The following RASAL2 variants were observed in gnomAD, a reference collection of about 807,000 sequenced individuals.
The protein encoded by RASAL2 is ras GTPase-activating protein nGAP.
A neutral mutation model predicts 128.9 loss-of-function variants in RASAL2; 58 were observed. The ratio of observed to expected loss-of-function variants is 0.45; its 90% CI spans 0.36 to 0.56. The LOEUF is 0.56. Ranked by LOEUF, RASAL2 falls within the 20% of genes least tolerant of loss-of-function variation. RASAL2 has a pLI of 0.00. For missense variants in RASAL2, 1,360 were observed against 1,601.6 expected (o/e 0.85, Z 2.57); for synonymous variants, 561 against 580.8 (o/e 0.97, Z 0.49).
At chr1:178,351,190 G>A (rs781226291) in intron 3 of RASAL2, among the ~76,000 whole-genome samples, 15 of 152,220 alleles carry the variant, frequency 9.9e-5, no homozygotes, top group East Asian at 1.9e-4. Flanking sequence ...TCCATTTCCC[G>A]CATTAGGGAT....
At chr1:178,361,416 CTTTT>C (rs1250778941) in intron 3 of RASAL2, among the ~76,000 whole-genome samples, 1 of 151,676 alleles carries the variant, frequency 6.6e-6, no homozygotes. Flanking sequence ...AAACCCTTGA[CTTTT>C]TTTTGAGTTG....
intron 1 of RASAL2, among the ~76,000 whole-genome samples, chr1:178,275,834 T>C (rs376746305): frequency 4.6e-5 from 7 of 152,230 alleles, no homozygotes; most frequent in South Asian, 2.1e-4. Context: ...ATAATGAGCA[T>C]AGTGGATTTA....
intron 3 of RASAL2, among the ~76,000 whole-genome samples, chr1:178,322,247 T>C (rs763323883): frequency 3.3e-5 from 5 of 152,164 alleles, no homozygotes; most frequent in African/African-American, 4.8e-5. Context: ...CCTCTATTGC[T>C]TATGTCCTGC....
At chr1:178,190,177 G>A (rs1279461589) in intron 1 of RASAL2, among the ~76,000 whole-genome samples, 2 of 152,188 alleles carry the variant, frequency 1.3e-5, no homozygotes, top group Admixed American at 6.5e-5. Context: ...TTTCCTTGAA[G>A]GAGGGATCGC....
chr1:178,461,965 T>C lies in RASAL2; in HGVS notation c.3253-2313T>C, dbSNP rs921032033. On this transcript the variant is annotated intron_variant, in intron 14 of 17. Transcript: ENST00000367649. ...ATCAGGCTCTTTTGCCCTAAAGCGTTACTGTTTTTCCAGGGAAACCCTATA... is the reference window on the plus strand; with the variant it reads ...ATCAGGCTCTTTTGCCCTAAAGCGTCACTGTTTTTCCAGGGAAACCCTATA... Among the ~76,000 whole-genome samples the C allele has an allele frequency of 5.3e-5, 8 of 152,240 alleles. No individual in the cohort carries two copies. The East Asian group carries it at 1.5e-3, about 29-fold the overall frequency.
At chr1:178,365,349 CTTCT>C (rs1470787575) in intron 3 of RASAL2, among the ~76,000 whole-genome samples, 1 of 152,008 alleles carries the variant, frequency 6.6e-6, no homozygotes, top group African/African-American at 2.4e-5. Context: ...TTACTTTAAG[CTTCT>C]TTGAGGAAAA....
intron 3 of RASAL2, among the ~76,000 whole-genome samples, chr1:178,318,693 A>C (rs1668606965): frequency 6.6e-6 from 1 of 151,918 alleles, no homozygotes; most frequent in African/African-American, 2.4e-5. Flanking sequence ...GTGTCTCTGC[A>C]CGTGAGATGG....
At chr1:178,420,811 A>G (rs1251895203) in intron 5 of RASAL2, among the ~76,000 whole-genome samples, 191 bp downstream of exon 5, 1 of 152,218 alleles carries the variant, frequency 6.6e-6, no homozygotes, top group Non-Finnish European at 1.5e-5. Flanking sequence ...TAAGAATGTT[A>G]TAATATTGGA....
chr1:178,449,225 C>G (rs1005703655), intron 9 of RASAL2, among the ~76,000 whole-genome samples: 3 of 152,154 alleles, frequency 2.0e-5, no homozygotes, highest in Non-Finnish European at 2.9e-5. Context: ...TCTGCACAGA[C>G]TCTGCATTGT....
rs573817207 is a variant in RASAL2, at chr1:178,411,604, A to G, written c.565-8907A>G. The G allele has an allele frequency of 1.3e-4, 95 of 740,432 alleles. No individual in the cohort carries two copies. In the African/African-American group the frequency reaches 1.5e-3, roughly 11 times the overall value. The allele number at this position is 740,432 out of a possible 1,614,324, so 45.9% of individuals were successfully genotyped here. ...GTGGATGGAGAGACGACATGCAGAA[A>G]TGGCACACTTCAGGTGGCTGAAGGA... On this transcript the variant is annotated intron_variant, in intron 4 of 17. Transcript: ENST00000367649.
rs925990263 is a variant in RASAL2 at position 178,395,789 on chromosome 1, A to ATATT, written c.564+5592_564+5595dup. Among the ~76,000 whole-genome samples, 165 of 144,354 alleles carry ATATT rather than the reference A, an allele frequency of 1.1e-3. 3 individuals are homozygous for ATATT. In the East Asian group the frequency reaches 0.013, roughly 11 times the overall value. The allele number at this position is 144,354 out of a possible 152,430, so 94.7% of individuals were successfully genotyped here. ...ATGAACAGTATATATATATATATAT[A>ATATT]TATTTATTTATTCATATGTGTATGA... On this transcript the variant is annotated intron_variant, in intron 4 of 17. Transcript: ENST00000367649.
intron 1 of RASAL2, among the ~76,000 whole-genome samples, chr1:178,153,147 T>C (rs1660970133): frequency 6.6e-6 from 1 of 152,182 alleles, no homozygotes; most frequent in African/African-American, 2.4e-5. Flanking sequence ...ACAGGGTTGA[T>C]TATCTTGTAT....
intron 1 of RASAL2, among the ~76,000 whole-genome samples, chr1:178,239,190 G>A (rs1024269965): frequency 6.6e-6 from 1 of 151,966 alleles, no homozygotes; most frequent in African/African-American, 2.4e-5. Context: ...GAATCTTAAG[G>A]GATATTGATT....
At chr1:178,381,275 A>G (rs1270959128) in intron 3 of RASAL2, among the ~76,000 whole-genome samples, 4 of 152,114 alleles carry the variant, frequency 2.6e-5, no homozygotes, top group Non-Finnish European at 4.4e-5. Flanking sequence ...GCAGGGAGAG[A>G]CTGGAGTCAG....
intron 3 of RASAL2, among the ~76,000 whole-genome samples, chr1:178,362,319 A>G (rs1461274460): frequency 6.6e-6 from 1 of 152,160 alleles, no homozygotes; most frequent in Non-Finnish European, 1.5e-5. Context: ...CCAATCCCCC[A>G]TGGATACCGA....
In RASAL2 at chr1:178,147,101, C is replaced by CTCGTTTTATT. The variant is rs561062081; in HGVS notation, c.202+52408_202+52409insCGTTTTATTT. 7.2e-3 allele frequency among the ~76,000 whole-genome samples: 1,068 copies of CTCGTTTTATT among 149,196 alleles called. 11 individuals are homozygous for CTCGTTTTATT. Among genetic ancestry groups the CTCGTTTTATT allele is most frequent in the African/African-American group, 0.025 (1,011 of 40,522 alleles). On this transcript the variant is annotated intron_variant, in intron 1 of 17. Transcript: ENST00000367649. ...AAAATTGGTTTTGTCAGTGTAGATA[C>CTCGTTTTATT]TTGTGGTAGATAATCGTTTTATTTT...
At chr1:178,380,351 A>G (rs1201777614) in intron 3 of RASAL2, among the ~76,000 whole-genome samples, 3 of 152,226 alleles carry the variant, frequency 2.0e-5, no homozygotes, top group Admixed American at 1.3e-4. Flanking sequence ...AGAAGAAAAA[A>G]TAACAATTTA....
chr1:178,219,543 C>T (rs1377911092), intron 1 of RASAL2, among the ~76,000 whole-genome samples: 1 of 149,728 alleles, frequency 6.7e-6, no homozygotes, highest in African/African-American at 2.5e-5. Flanking sequence ...CAGGAGGCTG[C>T]GGTGGGAGCA....
chr1:178,186,121 T>C (rs1367156139), intron 1 of RASAL2, among the ~76,000 whole-genome samples: 2 of 152,142 alleles, frequency 1.3e-5, no homozygotes, highest in Admixed American at 1.3e-4. Flanking sequence ...AATTACATCT[T>C]TTAAGGAATT....
Sources: allele counts gnomAD v4.1 joint callset (sites outside exome capture counted in the v4.1 genomes callset), GRCh38; gene constraint gnomAD v4.1.1; transcripts MANE v1.5; gene names NCBI Gene and HGNC (gene_info 2026-07-23, HGNC 2026-07-21).